The following DGKB variants were observed in gnomAD, a reference collection of about 807,000 sequenced individuals.
DGKB encodes 90 kDa diacylglycerol kinase.
DGKB carries 67 observed loss-of-function variants against 114.3 expected under a neutral mutation model. The ratio of observed to expected loss-of-function variants is 0.59; its 90% CI spans 0.48 to 0.72. DGKB has a LOEUF of 0.72. Ranked by LOEUF, DGKB falls within the 30% of genes least tolerant of loss-of-function variation. DGKB has a pLI of 0.00. For missense variants in DGKB, 907 were observed against 975.2 expected (o/e 0.93, Z 0.93); for synonymous variants, 398 against 323.1 (o/e 1.23, Z -2.49).
intron 16 of DGKB, among the ~76,000 whole-genome samples, chr7:14,609,263 C>A (rs1805081547): frequency 6.6e-6 from 1 of 151,960 alleles, no homozygotes; most frequent in African/African-American, 2.4e-5. Context: ...TGATCTTCAA[C>A]AAGGCCAACA....
At position 14,645,534 on chromosome 7, in the gene DGKB, A is replaced by G. The variant is rs181594523; in HGVS notation, c.1135-15266T>C. ...ACTGAACTGTGGAAGCGAAAAAGCC[A>G]CAACACTATCTGAGGCACATTATAG... On this transcript the variant is annotated intron_variant, in intron 13 of 25. Transcript: ENST00000402815. Among the ~76,000 whole-genome samples the G allele has an allele frequency of 1.3e-4, 20 of 152,232 alleles. No homozygotes were observed. The East Asian group carries it at 3.5e-3, about 27-fold the overall frequency.
At chr7:14,792,219 T>C (rs1290966283) in intron 2 of DGKB, among the ~76,000 whole-genome samples, 1 of 152,190 alleles carries the variant, frequency 6.6e-6, no homozygotes, top group Non-Finnish European at 1.5e-5. Flanking sequence ...TTCAGCTGTA[T>C]TATTTGCAGT....
chr7:14,391,673 C>T (rs920422370), intron 21 of DGKB, among the ~76,000 whole-genome samples: 1 of 152,094 alleles, frequency 6.6e-6, no homozygotes, highest in Middle Eastern at 3.2e-3. Flanking sequence ...GCCTGGGCAA[C>T]AGAATGAGAC....
chr7:14,354,815 A>G (rs930079667), intron 21 of DGKB, among the ~76,000 whole-genome samples: 1 of 152,156 alleles, frequency 6.6e-6, no homozygotes, highest in African/African-American at 2.4e-5. Flanking sequence ...AGGAATTATC[A>G]TCACCTCCCC....
chr7:14,521,190 T>G (rs1584540287), intron 20 of DGKB, among the ~76,000 whole-genome samples: 1 of 152,092 alleles, frequency 6.6e-6, no homozygotes, highest in Non-Finnish European at 1.5e-5. Context: ...ATTAAAACAA[T>G]GTACTGGTAC....
At chr7:14,335,598 G>T (rs1810506218) in intron 23 of DGKB, among the ~76,000 whole-genome samples, 1 of 152,126 alleles carries the variant, frequency 6.6e-6, no homozygotes, top group Non-Finnish European at 1.5e-5. Context: ...TTATTAATTT[G>T]ACTGTAGGTT....
At chr7:14,870,568 A>C (rs1852303217) in intron 1 of DGKB, among the ~76,000 whole-genome samples, 1 of 151,996 alleles carries the variant, frequency 6.6e-6, no homozygotes, top group South Asian at 2.1e-4. Flanking sequence ...GAGGCCGAGG[A>C]GGGCAGATCG....
At position 14,613,339 on chromosome 7, in the gene DGKB, C is replaced by T. The variant is rs1805916650; in HGVS notation, c.1358+1G>A. The T allele has an allele frequency of 1.3e-6, 2 of 1,554,028 alleles. No homozygotes were observed. Among genetic ancestry groups the T allele is most frequent in the African/African-American group, 1.4e-5 (1 of 73,368 alleles). ...ACACTAAAATCAATCAAAAAACATA[C>T]CGTTCTCCTTGTTTTCCACCACTTT... On this transcript the variant is annotated splice_donor_variant, in intron 16 of 25. Coordinates refer to ENST00000402815, the MANE Select transcript of DGKB (RefSeq NM_001350709.2). LOFTEE classifies it high-confidence loss of function.
At chr7:14,204,156 C>T (rs1786368554) in intron 23 of DGKB, among the ~76,000 whole-genome samples, 2 of 151,948 alleles carry the variant, frequency 1.3e-5, no homozygotes, top group South Asian at 4.1e-4. Flanking sequence ...TGTTTTTCAA[C>T]ATGATTAACA....
chr7:14,633,639 T>C (rs979180055), intron 13 of DGKB, among the ~76,000 whole-genome samples: 2 of 151,780 alleles, frequency 1.3e-5, no homozygotes, highest in Non-Finnish European at 3.0e-5. Flanking sequence ...ATGAGCAGAG[T>C]AAATGTTTTG....
At chr7:14,465,394 C>T (rs1266907630) in intron 21 of DGKB, among the ~76,000 whole-genome samples, 1 of 152,172 alleles carries the variant, frequency 6.6e-6, no homozygotes, top group South Asian at 2.1e-4. Context: ...ACAATCAAGG[C>T]AAAATGAGGA....
chr7:14,876,538 G>A (rs1435351322), intron 1 of DGKB, among the ~76,000 whole-genome samples: 1 of 152,200 alleles, frequency 6.6e-6, no homozygotes, highest in Non-Finnish European at 1.5e-5. Context: ...GATCAAGCTA[G>A]CACTCAATCA....
chr7:14,150,208 C>T (rs947038120), intron 25 of DGKB, among the ~76,000 whole-genome samples: 1 of 152,110 alleles, frequency 6.6e-6, no homozygotes, highest in Non-Finnish European at 1.5e-5. Flanking sequence ...GCGACTAATA[C>T]AAGAACCATC....
intron 2 of DGKB, among the ~76,000 whole-genome samples, chr7:14,812,852 G>A (rs1187256497): frequency 6.6e-6 from 1 of 152,218 alleles, no homozygotes; most frequent in African/African-American, 2.4e-5. Flanking sequence ...CTATGAAACT[G>A]CACCTTAGCA....
rs1432119075 is a variant in DGKB, at chr7:14,147,350, A to G, written c.*1781T>C. 1 of 152,186 alleles carries G rather than the reference A, an allele frequency of 6.6e-6. No homozygotes were observed. The highest frequency in any genetic ancestry group is 1.5e-5 in the Non-Finnish European group (1 of 68,014). 9.4% of individuals were successfully genotyped at this position (152,186 alleles called of 1,614,324 possible). A position where few individuals can be genotyped will look rare whatever the true frequency, so the allele number is the denominator to read the frequency against. On this transcript the variant is annotated 3_prime_UTR_variant, in exon 26 of 26. Coordinates refer to ENST00000402815, the MANE Select transcript of DGKB (RefSeq NM_001350709.2). ...AAAAGCTTTTATTTTTAAAGTAATTAAGCTTATTGTTGATTGATATTTACC... is the reference window on the plus strand; with the variant it reads ...AAAAGCTTTTATTTTTAAAGTAATTGAGCTTATTGTTGATTGATATTTACC...
chr7:14,461,166 C>T (rs1007372987), intron 21 of DGKB, among the ~76,000 whole-genome samples: 2 of 152,270 alleles, frequency 1.3e-5, no homozygotes, highest in Non-Finnish European at 2.9e-5. Flanking sequence ...CTAAAATCAA[C>T]ACCCTAACAT....
At chr7:14,654,609 A>G (rs1815384491) in intron 13 of DGKB, among the ~76,000 whole-genome samples, 1 of 152,160 alleles carries the variant, frequency 6.6e-6, no homozygotes, top group African/African-American at 2.4e-5. Flanking sequence ...GAGGAATAAC[A>G]CTATGTGACT....
intron 23 of DGKB, among the ~76,000 whole-genome samples, chr7:14,219,360 T>C (rs1218720920): frequency 2.6e-5 from 4 of 151,858 alleles, no homozygotes; most frequent in Non-Finnish European, 4.4e-5. Context: ...GTTCTCTAAA[T>C]TGGCAGCACT....
intron 6 of DGKB, among the ~76,000 whole-genome samples, chr7:14,710,634 A>G (rs1241415194): frequency 1.3e-5 from 2 of 152,102 alleles, no homozygotes; most frequent in South Asian, 4.1e-4. Context: ...GGTGTTTCTT[A>G]TATATACACA....
Sources: gnomAD v4.1 joint callset for allele counts (sites outside exome capture counted in the v4.1 genomes callset) on GRCh38, gnomAD v4.1.1 for gene constraint, MANE v1.5 for transcripts, NCBI Gene and HGNC (gene_info 2026-07-23, HGNC 2026-07-21) for gene names.